The following PPT1 variants were observed in gnomAD, a reference collection of about 807,000 sequenced individuals.
The protein encoded by PPT1 is palmitoyl-protein thioesterase 1, also known as ceroid-palmitoyl-palmitoyl-protein thioesterase 1.
PPT1 carries 24 observed loss-of-function variants against 44.0 expected under a neutral mutation model. The ratio of observed to expected loss-of-function variants is 0.54; its 90% CI spans 0.39 to 0.77. The LOEUF (loss-of-function observed/expected upper bound fraction) is 0.77. Among genes scored for constraint, PPT1 ranks in the 30% least tolerant of loss-of-function variants. The pLI is 0.00. For synonymous variants in PPT1, 148 were observed against 140.2 expected, an observed-to-expected ratio of 1.06 and a Z score of -0.39; for missense variants, 341 against 378.8, an observed-to-expected ratio of 0.90 and a Z score of 0.83.
intron 5 of PPT1, among the ~76,000 whole-genome samples, chr1:40,081,902 A>G (rs1648962221): frequency 6.6e-6 from 1 of 152,206 alleles, no homozygotes; most frequent in South Asian, 2.1e-4. Flanking sequence ...AAAGCTTGGA[A>G]CTTTCTAGAG....
rs988832452 is a variant in PPT1 at position 40,083,327 on chromosome 1, T to C, written c.537-2840A>G. Among the ~76,000 whole-genome samples the C allele has an allele frequency of 1.6e-4, 24 of 152,140 alleles. 1 individual carries two copies. Among genetic ancestry groups the C allele is most frequent in the Admixed American group, 6.5e-5 (1 of 15,278 alleles). On this transcript the variant is annotated intron_variant, in intron 5 of 8. Transcript: ENST00000642050. ...AAAAGTAGCCGAGCATGGCGGTGCATGCCTGTAGTCCTAGCTACTCAGGAG... is the reference window on the plus strand; with the variant it reads ...AAAAGTAGCCGAGCATGGCGGTGCACGCCTGTAGTCCTAGCTACTCAGGAG...
rs749769486 is a variant in PPT1 at position 40,097,172 on chromosome 1, C to A, written c.67G>T (p.Ala23Ser). The A allele has an allele frequency of 6.2e-7, 1 of 1,614,136 alleles. No individual in the cohort carries two copies. Among genetic ancestry groups the A allele is most frequent in the Non-Finnish European group, 8.5e-7 (1 of 1,179,982 alleles). ...ALLPWTCASR[A>S]LQHLDPPAPL... ...GCCGGCGGGTCCAGATGCTGCAGCG[C>A]CCGAGAAGCGCAGGTCCATGGCAGG... is the stretch of plus-strand genomic sequence containing the variant. Residue 23 changes from alanine (A) to serine (S), a missense_variant, in exon 1 of 9, where the codon GCG becomes TCG. Ala to Ser is a moderately conservative substitution (Grantham distance 99). Coordinates refer to ENST00000642050, the MANE Select transcript of PPT1 (RefSeq NM_000310.4).
At chr1:40,081,543 T>A (rs1052467243) in intron 5 of PPT1, among the ~76,000 whole-genome samples, 2 of 48,876 alleles carry the variant, frequency 4.1e-5, no homozygotes, top group Middle Eastern at 8.1e-3. Flanking sequence ...TCTCAAAAAA[T>A]AAATAAATAA....
Position 40,078,689 on chromosome 1 carries a change from A to G in PPT1, c.628-31T>C, listed in dbSNP as rs372377037. On this transcript the variant is annotated intron_variant, in intron 6 of 8. Coordinates refer to ENST00000642050, the MANE Select transcript of PPT1 (RefSeq NM_000310.4). ...AGAAAGGCCAGCAACACCTAAGGTCATTACCATCAGACACCAGCAGAGGGA... is the reference window on the plus strand; with the variant it reads ...AGAAAGGCCAGCAACACCTAAGGTCGTTACCATCAGACACCAGCAGAGGGA... The G allele has an allele frequency of 4.5e-6, 7 of 1,556,482 alleles. 1 individual carries two copies. In the African/African-American group the frequency reaches 6.8e-5, roughly 15 times the overall value.
chr1:40,078,476 A>T (rs1444032643), intron 7 of PPT1, 84 bp downstream of exon 7: 2 of 1,355,692 alleles, frequency 1.5e-6, no homozygotes, highest in East Asian at 4.8e-5. Context: ...TGCTGGGATT[A>T]CAGGCATGAG....
chr1:40,080,311 G>T, intron 6 of PPT1, 86 bp downstream of exon 6: 2 of 1,346,756 alleles, frequency 1.5e-6, no homozygotes, highest in South Asian at 1.2e-5. Context: ...AGGACAGTTT[G>T]GGTAAACAGT....
rs140820501 is a variant in PPT1, at chr1:40,073,672, C to T, written c.*389G>A. ...TATGTGAGTACCTCAGGCCTGGGCA[C>T]CTCTTTGCTTGAAATATGGCAAGAC... On this transcript the variant is annotated 3_prime_UTR_variant, in exon 9 of 9. Transcript: ENST00000642050. 2 of 248,574 alleles carry T rather than the reference C, an allele frequency of 8.0e-6. No homozygotes were observed. Among genetic ancestry groups the T allele is most frequent in the East Asian group, 1.0e-4 (1 of 9,538 alleles). 15.4% of individuals were successfully genotyped at this position (248,574 alleles called of 1,614,324 possible).
At chr1:40,093,262 G>A (rs908585200) in intron 1 of PPT1, among the ~76,000 whole-genome samples, 30 of 152,280 alleles carry the variant, frequency 2.0e-4, no homozygotes, top group Middle Eastern at 3.4e-3. Flanking sequence ...AGTGAAAGAA[G>A]CCAGACTCAA....
rs1460357749 is a variant in PPT1 at position 40,074,173 on chromosome 1, C to T, written c.809G>A (p.Gly270Glu). The part of the protein sequence containing the change: ...ETSLYTQDRL[G>E]LKEMDNAGQL... ...TCCTGCATTGTCCATTTCCTTTAGC[C>T]CCAGGCGGTCCTGCAGAAGGAAAGG... Residue 270 changes from glycine to glutamate, a missense_variant, in exon 9 of 9, where the codon GGG becomes GAG. By Grantham distance (98) the Gly-to-Glu change is moderately conservative. Coordinates refer to ENST00000642050, the MANE Select transcript of PPT1 (RefSeq NM_000310.4). 6.2e-7 allele frequency: 1 copy of T among 1,614,090 alleles called. No homozygotes were observed. Among genetic ancestry groups the T allele is most frequent in the African/African-American group, 1.3e-5 (1 of 74,998 alleles).
At chr1:40,081,571 A>T (rs995220334) in intron 5 of PPT1, among the ~76,000 whole-genome samples, 4 of 150,642 alleles carry the variant, frequency 2.7e-5, no homozygotes, top group Admixed American at 6.6e-5. Flanking sequence ...AATAAATAGA[A>T]AATAAAATTA....
chr1:40,094,201 G>A (rs41268051), intron 1 of PPT1, among the ~76,000 whole-genome samples: 7,201 of 152,182 alleles, frequency 0.047, 308 homozygotes, highest in South Asian at 0.13. Context: ...TAGGACAGCG[G>A]TCTTCAACCT....
At chr1:40,087,128 C>T (rs1290846112) in intron 5 of PPT1, among the ~76,000 whole-genome samples, 1 of 152,028 alleles carries the variant, frequency 6.6e-6, no homozygotes, top group African/African-American at 2.4e-5. Context: ...CCTCCTCTCT[C>T]CCTGTTCTCT....
intron 4 of PPT1, 200 bp from the exon 5 acceptor site, chr1:40,089,712 A>T (rs763984396): frequency 2.9e-4 from 190 of 655,084 alleles, no homozygotes; most frequent in Non-Finnish European, 7.6e-5. Context: ...CTGCCTAAGG[A>T]TCTTTTTACC....
chr1:40,086,508 C>CA (rs1649271617), intron 5 of PPT1, among the ~76,000 whole-genome samples: 1 of 152,188 alleles, frequency 6.6e-6, no homozygotes, highest in Non-Finnish European at 1.5e-5. Flanking sequence ...GCCTCTCTTG[C>CA]ACTCTTCCTG....
chr1:40,082,371 C>T (rs1648990855), intron 5 of PPT1: 1 of 151,114 alleles, frequency 6.6e-6, no homozygotes, highest in African/African-American at 2.4e-5. Context: ...TGTGTTTATA[C>T]ATGTATTTGA....
chr1:40,094,092 G>C lies in PPT1; in HGVS notation c.125-1585C>G. ...AATTTACAAATGAAAAATAAGCAGA[G>C]GTACACATTCCCTTCCCCTATCACA... On this transcript the variant is annotated intron_variant, in intron 1 of 8. Coordinates refer to ENST00000642050, the MANE Select transcript of PPT1 (RefSeq NM_000310.4). The C allele has an allele frequency of 6.3e-6, 4 of 634,118 alleles. No individual in the cohort carries two copies. In the Admixed American group the frequency reaches 7.7e-5, roughly 12 times the overall value. 39.3% of individuals were successfully genotyped at this position (634,118 alleles called of 1,614,324 possible).
chr1:40,074,240 TG>T, intron 8 of PPT1, 57 bp from the exon 9 acceptor site: 1 of 1,600,064 alleles, frequency 6.2e-7, no homozygotes, highest in Non-Finnish European at 8.6e-7. Flanking sequence ...TGGAGTAAAA[TG>T]GTAAGTACGT....
At chr1:40,095,228 C>A (rs1474915200) in intron 1 of PPT1, among the ~76,000 whole-genome samples, 1 of 152,164 alleles carries the variant, frequency 6.6e-6, no homozygotes, top group Non-Finnish European at 1.5e-5. Flanking sequence ...AAGGACACTG[C>A]GCTTTCCTGA....
At position 40,074,043 on chromosome 1, in the gene PPT1, T is replaced by C. The variant is rs369382199; in HGVS notation, c.*18A>G. 46 of 1,613,926 alleles carry C rather than the reference T, an allele frequency of 2.9e-5. No individual in the cohort carries two copies. The highest frequency in any genetic ancestry group is 3.6e-5 in the Non-Finnish European group (43 of 1,179,982). ...AGAGTTAGGGGCTCCCTGAGCTCTA[T>C]TGTGAACTATACGGGTTTCATCCAA... is the stretch of plus-strand genomic sequence containing the variant. On this transcript the variant is annotated 3_prime_UTR_variant, in exon 9 of 9. Coordinates refer to ENST00000642050, the MANE Select transcript of PPT1 (RefSeq NM_000310.4).
Sources: allele counts gnomAD v4.1 joint callset (sites outside exome capture counted in the v4.1 genomes callset), GRCh38; gene constraint gnomAD v4.1.1; transcripts MANE v1.5; gene names NCBI Gene and HGNC (gene_info 2026-07-23, HGNC 2026-07-21).